Variants in OPA1 observed in about 807,000 individuals in gnomAD.
OPA1 encodes OPA1 mitochondrial dynamin like GTPase.
In OPA1, 59 loss-of-function variants were observed where a neutral mutation model predicts 152.9. The observed-to-expected ratio is 0.39, with a 90% confidence interval of 0.31 to 0.48. The LOEUF (loss-of-function observed/expected upper bound fraction) is 0.48, where lower values mean the gene tolerates loss of function less well. OPA1 is among the 20% of genes least tolerant of loss of function. OPA1 has a pLI of 0.96. For synonymous variants in OPA1, 400 were observed against 389.9 expected (o/e 1.03, Z -0.31); for missense variants, 1,008 against 1,216.8 (o/e 0.83, Z 2.55).
At chr3:193,671,658 G>T (rs2109319426) in intron 29 of OPA1, among the ~76,000 whole-genome samples, 1 of 152,256 alleles carries the variant, frequency 6.6e-6, no homozygotes, top group East Asian at 1.9e-4. Context: ...TAGAATATTT[G>T]GGGATGATAA....
chr3:193,638,266 G>C (rs977264614), intron 11 of OPA1, among the ~76,000 whole-genome samples: 1 of 152,196 alleles, frequency 6.6e-6, no homozygotes, highest in Admixed American at 6.5e-5. Flanking sequence ...AGAGTGGTAG[G>C]AGAGGATGAC....
intron 25 of OPA1, among the ~76,000 whole-genome samples, chr3:193,661,184 C>G (rs1325377409): frequency 6.6e-6 from 1 of 152,158 alleles, no homozygotes; most frequent in Non-Finnish European, 1.5e-5. Flanking sequence ...TGCAAAGGGT[C>G]TGTAAGCCTA....
At chr3:193,661,667 G>T (rs370057197) in intron 25 of OPA1, among the ~76,000 whole-genome samples, 1 of 152,076 alleles carries the variant, frequency 6.6e-6, no homozygotes, top group Non-Finnish European at 1.5e-5. Flanking sequence ...AAACATTCTC[G>T]CCTTGTTTAA....
intron 5 of OPA1, among the ~76,000 whole-genome samples, chr3:193,618,172 T>C (rs1729367467): frequency 6.6e-6 from 1 of 152,178 alleles, no homozygotes; most frequent in Non-Finnish European, 1.5e-5. Flanking sequence ...TGCCCTGTCA[T>C]GGTTGACATT....
Position 193,638,054 on chromosome 3 carries a change from T to A in OPA1, c.1138T>A (p.Ser380Thr). 6.2e-7 allele frequency: 1 copy of A among 1,613,638 alleles called. No homozygotes were observed. The highest frequency in any genetic ancestry group is 1.1e-5 in the South Asian group (1 of 91,040). ...AGGATCTGGGGAGATGATGACACGT[T>A]CTCCAGTTAAGGTAAGAACATAGGC... ...PRGSGEMMTRSPVKVTLSEGP... is the reference protein window; with the variant it reads ...PRGSGEMMTRTPVKVTLSEGP... The change falls in exon 11 of 31, where the codon TCT becomes ACT. Residue 380 changes from serine (S) to threonine (T), a missense_variant. This residue lies in a region of OPA1 where 213 missense variants were observed against 291.4 expected (regional missense o/e 0.73). Transcript: ENST00000361510.
intron 29 of OPA1, chr3:193,691,349 A>G (rs13078815): frequency 0.71 from 107,838 of 152,160 alleles, 38,361 homozygotes; most frequent in South Asian, 0.83. Context: ...TTCAGAGAGT[A>G]TATATTTCAT....
chr3:193,647,287 A>G, intron 19 of OPA1, 107 bp downstream of exon 19: 1 of 736,248 alleles, frequency 1.4e-6, no homozygotes, highest in Non-Finnish European at 2.4e-6. Flanking sequence ...GTTGCTTGGT[A>G]GTTCATTTAC....
At chr3:193,617,306 T>G in intron 4 of OPA1, 21 bp downstream of exon 4, 2 of 1,437,010 alleles carry the variant, frequency 1.4e-6, no homozygotes, top group Non-Finnish European at 2.0e-6. Context: ...AGCTGTTTGA[T>G]CTAATTTAAA....
intron 11 of OPA1, among the ~76,000 whole-genome samples, chr3:193,640,957 G>A (rs192621469): frequency 4.3e-4 from 66 of 152,214 alleles, no homozygotes; most frequent in Non-Finnish European, 8.2e-4. Context: ...GGATTGAATC[G>A]TGTTATGTGT....
chr3:193,635,051 C>T (rs183398815), intron 8 of OPA1, among the ~76,000 whole-genome samples: 4 of 152,142 alleles, frequency 2.6e-5, no homozygotes, highest in East Asian at 3.9e-4. Context: ...TGTTAAGTGG[C>T]CCTGTAATGT....
intron 7 of OPA1, among the ~76,000 whole-genome samples, chr3:193,630,323 A>G (rs1731879244): frequency 1.3e-5 from 2 of 152,148 alleles, no homozygotes; most frequent in South Asian, 4.1e-4. Flanking sequence ...TAATTACCAG[A>G]TCGTTTTTGG....
chr3:193,620,629 T>G (rs1432059024), intron 6 of OPA1, among the ~76,000 whole-genome samples: 2 of 152,226 alleles, frequency 1.3e-5, no homozygotes, highest in East Asian at 3.8e-4. Context: ...CAATTTTTTT[T>G]TTAACTATTT....
In OPA1 at chr3:193,665,067, T is replaced by C. The variant is rs140883900; in HGVS notation, c.2778+71T>C. The C allele has an allele frequency of 1.2e-4, 103 of 837,492 alleles. 1 individual carries two copies. In the African/African-American group the frequency reaches 1.4e-3, roughly 12 times the overall value. The allele number at this position is 837,492 out of a possible 1,614,324, so 51.9% of individuals were successfully genotyped here. ...TCAAAATATGCTTAAAAGTAAACTT[T>C]AGCTTAAGCATTAATTTTAAGTCCT... On this transcript the variant is annotated intron_variant, in intron 27 of 30. Coordinates refer to ENST00000361510, the MANE Select transcript of OPA1 (RefSeq NM_130837.3).
intron 29 of OPA1, among the ~76,000 whole-genome samples, chr3:193,675,575 C>T (rs928936292): frequency 6.6e-6 from 1 of 152,032 alleles, no homozygotes; most frequent in African/African-American, 2.4e-5. Flanking sequence ...TCAACCTAAC[C>T]CAGTATTTTT....
At chr3:193,618,269 G>A (rs1314046346) in intron 5 of OPA1, among the ~76,000 whole-genome samples, 2 of 151,982 alleles carry the variant, frequency 1.3e-5, no homozygotes, top group African/African-American at 4.8e-5. Context: ...ATGAGGTCAG[G>A]AGATCGAGAC....
chr3:193,614,706 A>G lies in OPA1; in HGVS notation c.33-17A>G, dbSNP rs769544743. On this transcript the variant is annotated splice_polypyrimidine_tract_variant and intron_variant, in intron 1 of 30. Coordinates refer to ENST00000361510, the MANE Select transcript of OPA1 (RefSeq NM_130837.3). Reference sequence around the variant, plus strand: ...TTACCCTCTCTGATCTTTCTTCCATATTCATTTTTCTTTCAGTGAGGTCTG... The same window carrying G: ...TTACCCTCTCTGATCTTTCTTCCATGTTCATTTTTCTTTCAGTGAGGTCTG... 2.5e-6 allele frequency: 4 copies of G among 1,586,190 alleles called. No homozygotes were observed. Among genetic ancestry groups the G allele is most frequent in the South Asian group, 1.1e-5 (1 of 90,506 alleles).
At chr3:193,653,239 T>C (rs1463812177) in intron 21 of OPA1, among the ~76,000 whole-genome samples, 2 of 152,192 alleles carry the variant, frequency 1.3e-5, no homozygotes, top group Non-Finnish European at 2.9e-5. Flanking sequence ...TGGTTGTAAC[T>C]GGAAAGTGAC....
chr3:193,668,800 T>C, intron 29 of OPA1: 2 of 1,169,488 alleles, frequency 1.7e-6, no homozygotes, highest in Non-Finnish European at 2.1e-6. Context: ...GGGTTGATAT[T>C]TGGTTGTTTC....
At chr3:193,690,360 C>G (rs1334756008) in intron 29 of OPA1, among the ~76,000 whole-genome samples, 1 of 126,186 alleles carries the variant, frequency 7.9e-6, no homozygotes, top group Non-Finnish European at 1.6e-5. Context: ...AATCTAATGC[C>G]TAGAATAAGA....
Sources: allele counts gnomAD v4.1 joint callset (sites outside exome capture counted in the v4.1 genomes callset), GRCh38; gene constraint gnomAD v4.1.1; regional missense constraint gnomAD v4.1.1; transcripts MANE v1.5; gene names NCBI Gene and HGNC (gene_info 2026-07-23, HGNC 2026-07-21).